Variants in BNIP5 observed in about 807,000 individuals in gnomAD.
The protein encoded by BNIP5 is BCL2 interacting protein 5, also known as protein BNIP5.
Under a neutral mutation model 67.3 loss-of-function variants are expected in BNIP5, and 61 were observed. That is an observed-to-expected ratio of 0.91 (90% CI 0.74 to 1.12). The LOEUF is 1.12. Among genes scored for constraint, BNIP5 ranks in the 50% most tolerant of loss-of-function variants. The probability of loss-of-function intolerance (pLI) is 0.00; values close to 1 mark genes in which losing one functional copy is unlikely to be tolerated. For missense variants in BNIP5, 826 were observed against 816.3 expected (o/e 1.01, Z -0.14); for synonymous variants, 317 against 319.0 (o/e 0.99, Z 0.07).
chr6:36,316,948 T>C lies in BNIP5; in HGVS notation c.*408A>G. 1 of 425,542 alleles carries C rather than the reference T, an allele frequency of 2.3e-6. No homozygotes were observed. Among genetic ancestry groups the C allele is most frequent in the Non-Finnish European group, 4.1e-6 (1 of 242,174 alleles). 26.4% of individuals were successfully genotyped at this position (425,542 alleles called of 1,614,324 possible). ...TGCATGTGGATGTTCTGTTTAGAGA[T>C]TAAATAAAAATTTAGTTTAAAAACT... On this transcript the variant is annotated 3_prime_UTR_variant, in exon 12 of 12. Coordinates refer to ENST00000437635, the MANE Select transcript of BNIP5 (RefSeq NM_001010903.5).
At chr6:36,335,829 G>A (rs772712316) in intron 1 of BNIP5, among the ~76,000 whole-genome samples, 6 of 152,150 alleles carry the variant, frequency 3.9e-5, no homozygotes, top group Non-Finnish European at 5.9e-5. Flanking sequence ...CACTTCTCCC[G>A]ATTCAAATCC....
chr6:36,334,824 T>C (rs1028156064), intron 1 of BNIP5, among the ~76,000 whole-genome samples: 1 of 152,200 alleles, frequency 6.6e-6, no homozygotes, highest in African/African-American at 2.4e-5. Flanking sequence ...TCTTTTTTTG[T>C]TTTGTGCCCC....
intron 10 of BNIP5, among the ~76,000 whole-genome samples, 185 bp from the exon 11 acceptor site, chr6:36,319,795 G>T (rs1326474346): frequency 2.0e-5 from 3 of 152,206 alleles, no homozygotes; most frequent in East Asian, 1.9e-4. Context: ...GCTCAAAGCA[G>T]CAGGACAAAG....
At position 36,330,452 on chromosome 6, in the gene BNIP5, T is replaced by C. The variant is rs750465370; in HGVS notation, c.239A>G (p.Glu80Gly). 20 of 1,614,078 alleles carry C rather than the reference T, an allele frequency of 1.2e-5. No homozygotes were observed. The African/African-American group carries it at 1.5e-4, about 12-fold the overall frequency. Residue 80 changes from glutamate to glycine, a missense_variant, in exon 2 of 12, where the codon GAG becomes GGG. By Grantham distance (98) the Glu-to-Gly change is moderately conservative. Coordinates refer to ENST00000437635, the MANE Select transcript of BNIP5 (RefSeq NM_001010903.5). ...CTCGCTGGGGAGAAAATCTCCGGTCTCCTCGGGAGTGGGGGCTGCAGCGGT... is the reference window on the plus strand; with the variant it reads ...CTCGCTGGGGAGAAAATCTCCGGTCCCCTCGGGAGTGGGGGCTGCAGCGGT... The part of the protein sequence containing the change: ...CTTAAAPTPE[E>G]TGDFLPSEQR...
rs767403088 is a variant in BNIP5, at chr6:36,319,547, G to A, written c.1732C>T (p.Leu578=). 1 of 1,614,146 alleles carries A rather than the reference G, an allele frequency of 6.2e-7. No individual in the cohort carries two copies. Among genetic ancestry groups the A allele is most frequent in the Admixed American group, 1.7e-5 (1 of 60,026 alleles). Residue 578 remains leucine (L), a synonymous_variant, in exon 11 of 12, where the codon CTG becomes TTG. Transcript: ENST00000437635. ...YEFSDSSLSK[L]VATLRSQVAH... ...ACCTGGCTGCGCAGGGTGGCTACCA[G>A]CTTGCTGAGGGAGGAGTCCGAGAAC...
At chr6:36,324,642 T>C (rs1771721963) in intron 6 of BNIP5, among the ~76,000 whole-genome samples, 1 of 67,802 alleles carries the variant, frequency 1.5e-5, no homozygotes, top group Non-Finnish European at 2.7e-5. Context: ...TATATATATA[T>C]ATATATGTTT....
chr6:36,324,029 C>T lies in BNIP5; in HGVS notation c.1230+100G>A. The T allele has an allele frequency of 3.4e-6, 3 of 871,018 alleles. No homozygotes were observed. The South Asian group carries it at 4.1e-5, about 12-fold the overall frequency. The allele number at this position is 871,018 out of a possible 1,614,324, so 54.0% of individuals were successfully genotyped here. ...AAAAAAAAAAAAGGAGGGACTGGAGCAGGACACAGAAGAGCAGCAGAGACA... is the reference window on the plus strand; with the variant it reads ...AAAAAAAAAAAAGGAGGGACTGGAGTAGGACACAGAAGAGCAGCAGAGACA... On this transcript the variant is annotated intron_variant, in intron 7 of 11. Coordinates refer to ENST00000437635, the MANE Select transcript of BNIP5 (RefSeq NM_001010903.5).
intron 1 of BNIP5, among the ~76,000 whole-genome samples, chr6:36,332,202 G>A (rs1303245946): frequency 2.0e-5 from 3 of 152,090 alleles, no homozygotes; most frequent in Non-Finnish European, 4.4e-5. Flanking sequence ...AGGCCCGCCT[G>A]CCTCAGGCCC....
At position 36,325,343 on chromosome 6, in the gene BNIP5, T is replaced by C; in HGVS notation, c.1108A>G (p.Thr370Ala). 6.2e-7 allele frequency: 1 copy of C among 1,614,006 alleles called. No homozygotes were observed. Among genetic ancestry groups the C allele is most frequent in the Non-Finnish European group, 8.5e-7 (1 of 1,179,940 alleles). The change falls in exon 6 of 12, where the codon ACC becomes GCC. Residue 370 changes from threonine (T) to alanine (A), a missense_variant. Physicochemically the swap from Thr to Ala is moderately conservative, Grantham distance 58. Transcript: ENST00000437635. ...AGAPGPSVLPTPSESQEPGEE... is the reference protein window; with the variant it reads ...AGAPGPSVLPAPSESQEPGEE... ...CCAGGTTCCTGGCTCTCTGATGGGG[T>C]GGGAAGCACGGAGGGACCTGGAGCC...
In BNIP5 at chr6:36,330,504, C is replaced by A; in HGVS notation, c.187G>T (p.Ala63Ser). 1 of 1,614,122 alleles carries A rather than the reference C, an allele frequency of 6.2e-7. No homozygotes were observed. The highest frequency in any genetic ancestry group is 8.5e-7 in the Non-Finnish European group (1 of 1,180,010). Residue 63 changes from alanine (A) to serine (S), a missense_variant, in exon 2 of 12, where the codon GCT becomes TCT. Transcript: ENST00000437635. ...GTGCAGTGAGCCTCTGCAGATGGAG[C>A]TGGGCTGTCTGAATGTCTGGCCCAA... is the stretch of plus-strand genomic sequence containing the variant. ...SDWARHSDSPAPSAEAHCTTA... is the reference protein window; with the variant it reads ...SDWARHSDSPSPSAEAHCTTA...
rs1771739557 is a variant in BNIP5 at position 36,325,400 on chromosome 6, T to C, written c.1051A>G (p.Lys351Glu). Residue 351 changes from lysine to glutamate, a missense_variant, in exon 6 of 12, where the codon AAA (lysine) becomes GAA (glutamate). By Grantham distance (56) the Lys-to-Glu change is moderately conservative. Coordinates refer to ENST00000437635, the MANE Select transcript of BNIP5 (RefSeq NM_001010903.5). ...ISSSYGLEEP[K>E]VQEAPSTEAG... Reference sequence around the variant, plus strand: ...TCTGTAGATGGGGCCTCCTGGACTTTAGGTTCTTCCAAGCCTGAGAAGCAG... The same window carrying C: ...TCTGTAGATGGGGCCTCCTGGACTTCAGGTTCTTCCAAGCCTGAGAAGCAG... The C allele has an allele frequency of 1.9e-6, 3 of 1,611,946 alleles. No homozygotes were observed. The highest frequency in any genetic ancestry group is 2.2e-5 in the East Asian group (1 of 44,880).
chr6:36,332,620 C>T (rs1406621224), intron 1 of BNIP5, among the ~76,000 whole-genome samples: 2 of 152,124 alleles, frequency 1.3e-5, no homozygotes, highest in East Asian at 1.9e-4. Flanking sequence ...GAAATCAGTG[C>T]TTTCGGGCCA....
intron 8 of BNIP5, 113 bp from the exon 9 acceptor site, chr6:36,322,555 T>C: frequency 8.7e-7 from 1 of 1,149,830 alleles, no homozygotes; most frequent in South Asian, 1.5e-5. Context: ...GGCTCCTCGG[T>C]GAGTTTCCTG....
intron 3 of BNIP5, 121 bp downstream of exon 3, chr6:36,328,477 C>A (rs1771812125): frequency 3.1e-6 from 2 of 651,302 alleles, no homozygotes; most frequent in South Asian, 2.0e-5. Flanking sequence ...GCAAGAAAGG[C>A]CAGTGCATGT....
intron 11 of BNIP5, among the ~76,000 whole-genome samples, chr6:36,319,021 C>A (rs750165159): frequency 4.6e-5 from 7 of 152,062 alleles, no homozygotes; most frequent in Non-Finnish European, 8.8e-5. Context: ...CAACAGAGCC[C>A]ACAAAATAAT....
intron 1 of BNIP5, among the ~76,000 whole-genome samples, chr6:36,335,698 T>C (rs895831169): frequency 6.6e-5 from 10 of 152,174 alleles, no homozygotes; most frequent in Non-Finnish European, 5.9e-5. Flanking sequence ...TGACATGATC[T>C]CATTTCATCT....
In BNIP5 at chr6:36,324,634, T is replaced by A. The variant is rs867574920; in HGVS notation, c.1169-444A>T. On this transcript the variant is annotated intron_variant, in intron 6 of 11. Coordinates refer to ENST00000437635, the MANE Select transcript of BNIP5 (RefSeq NM_001010903.5). ...ATATATATATATATATATATATATA[T>A]ATATATATATATATGTTTCTAGGCC... Among the ~76,000 whole-genome samples, 218 of 60,166 alleles carry A rather than the reference T, an allele frequency of 3.6e-3. 16 individuals are homozygous for A. The highest frequency in any genetic ancestry group is 0.015 in the African/African-American group (199 of 12,936). 39.5% of individuals were successfully genotyped at this position (60,166 alleles called of 152,430 possible). A position where few individuals can be genotyped will look rare whatever the true frequency, so the allele number is the denominator to read the frequency against.
At position 36,321,226 on chromosome 6, in the gene BNIP5, A is replaced by C; in HGVS notation, c.1604-7T>G. ...TTCTGGATGATGATCTCCTCTAAGG[A>C]AAAGAAAGGAGGATTGAGTGACTGT... On this transcript the variant is annotated splice_region_variant and splice_polypyrimidine_tract_variant and intron_variant, in intron 9 of 11. Coordinates refer to ENST00000437635, the MANE Select transcript of BNIP5 (RefSeq NM_001010903.5). The C allele has an allele frequency of 1.3e-6, 2 of 1,589,752 alleles. No homozygotes were observed. Among genetic ancestry groups the C allele is most frequent in the Non-Finnish European group, 1.7e-6 (2 of 1,166,474 alleles).
In BNIP5 at chr6:36,316,400, C is replaced by T. The variant is rs927772621; in HGVS notation, c.*956G>A. ...GAGCCTCTGGCACCCCCACACTTCA[C>T]CTTTGTGCAAATACAAAAAATAGCC... On this transcript the variant is annotated 3_prime_UTR_variant, in exon 12 of 12. Coordinates refer to ENST00000437635, the MANE Select transcript of BNIP5 (RefSeq NM_001010903.5). The T allele has an allele frequency of 2.5e-6, 1 of 397,872 alleles. No individual in the cohort carries two copies. The highest frequency in any genetic ancestry group is 4.4e-5 in the Admixed American group (1 of 22,746). 24.6% of individuals were successfully genotyped at this position (397,872 alleles called of 1,614,324 possible).
Sources: allele counts gnomAD v4.1 joint callset (sites outside exome capture counted in the v4.1 genomes callset), GRCh38; gene constraint gnomAD v4.1.1; transcripts MANE v1.5; gene names NCBI Gene and HGNC (gene_info 2026-07-23, HGNC 2026-07-21).